Variants in EIF2AK4 observed in about 807,000 individuals in gnomAD.
EIF2AK4 encodes the protein eukaryotic translation initiation factor 2 alpha kinase 4.
Under a neutral mutation model 211.1 loss-of-function variants are expected in EIF2AK4, and 139 were observed. The observed-to-expected ratio is 0.66, with a 90% CI of 0.57 to 0.76. The LOEUF (loss-of-function observed/expected upper bound fraction) is 0.76. Ranked by LOEUF, EIF2AK4 falls within the 30% of genes least tolerant of loss-of-function variation. EIF2AK4 has a pLI of 0.00. For missense variants in EIF2AK4, 1,664 were observed against 2,043.8 expected (o/e 0.81, Z 3.58); for synonymous variants, 710 against 751.3 (o/e 0.94, Z 0.90).
rs1052280286 is a variant in EIF2AK4, at chr15:39,956,240, G to A, written c.743+472G>A. Among the ~76,000 whole-genome samples the A allele has an allele frequency of 3.3e-5, 5 of 151,940 alleles. No individual in the cohort carries two copies. In the East Asian group the frequency reaches 7.7e-4, roughly 24 times the overall value. On this transcript the variant is annotated intron_variant, in intron 6 of 38. Coordinates refer to ENST00000263791, the MANE Select transcript of EIF2AK4 (RefSeq NM_001013703.4). Reference sequence around the variant, plus strand: ...AGGCTGGTCTCGAACTCCTGACCTCGTGATCCACCCGCCTCGGCCTCCCAA... The same window carrying A: ...AGGCTGGTCTCGAACTCCTGACCTCATGATCCACCCGCCTCGGCCTCCCAA...
At chr15:39,956,377 T>C (rs2034392727) in intron 6 of EIF2AK4, among the ~76,000 whole-genome samples, 1 of 152,230 alleles carries the variant, frequency 6.6e-6, no homozygotes, top group South Asian at 2.1e-4. Context: ...TAAACTTAAA[T>C]TCAGTAAGTG....
At position 40,003,280 on chromosome 15, in the gene EIF2AK4, G is replaced by A; in HGVS notation, c.3323G>A (p.Ser1108Asn). 2 of 1,614,202 alleles carry A rather than the reference G, an allele frequency of 1.2e-6. No homozygotes were observed. The highest frequency in any genetic ancestry group is 1.7e-6 in the Non-Finnish European group (2 of 1,180,030). The change falls in exon 23 of 39, where the codon AGC becomes AAC. Residue 1108 changes from serine to asparagine, a missense_variant. By Grantham distance (46) the Ser-to-Asn change is conservative. Transcript: ENST00000263791. ...GAAGCTGCCCTATTCATGGACCACAGCGGGATGCTGGTGATGCTTCCTTTT... is the reference window on the plus strand; with the variant it reads ...GAAGCTGCCCTATTCATGGACCACAACGGGATGCTGGTGATGCTTCCTTTT... ...HNEAALFMDH[S>N]GMLVMLPFDL... is the part of the protein sequence containing the mutation.
rs1375818493 is a variant in EIF2AK4, at chr15:39,934,189, C to A, written c.-7C>A. ...CAAGGCCGCCCTGCCTTGGGCGCAG[C>A]GCTGCCATGGCTGGGGGCCGTGGGG... On this transcript the variant is annotated 5_prime_UTR_variant, in exon 1 of 39. Transcript: ENST00000263791. The A allele has an allele frequency of 2.6e-6, 4 of 1,533,798 alleles. No individual in the cohort carries two copies. The highest frequency in any genetic ancestry group is 1.2e-5 in the South Asian group (1 of 83,460).
intron 37 of EIF2AK4, 96 bp downstream of exon 37, chr15:40,032,897 A>G: frequency 9.8e-7 from 1 of 1,023,776 alleles, no homozygotes; most frequent in Non-Finnish European, 1.4e-6. Flanking sequence ...CATTAGTGAT[A>G]GTATTTTTCT....
intron 24 of EIF2AK4, among the ~76,000 whole-genome samples, chr15:40,007,570 A>G (rs2035178304): frequency 6.6e-6 from 1 of 152,198 alleles, no homozygotes; most frequent in East Asian, 1.9e-4. Context: ...TGTACATTCA[A>G]ATACCACAGG....
intron 29 of EIF2AK4, 127 bp from the exon 30 acceptor site, chr15:40,018,963 ACAC>A (rs1169536494): frequency 1.4e-6 from 1 of 691,766 alleles, no homozygotes; most frequent in East Asian, 2.8e-5. Flanking sequence ...TACTACACAC[ACAC>A]ATTTCTTTTT....
rs1204663423 is a variant in EIF2AK4, at chr15:40,026,105, A to G, written c.4502+16A>G. 6.2e-7 allele frequency: 1 copy of G among 1,605,380 alleles called. No homozygotes were observed. The highest frequency in any genetic ancestry group is 1.7e-5 in the Admixed American group (1 of 59,708). ...GGAATGGCAGGTAACTTAGGAAACA[A>G]AAGCCGAGAAAAGTGACTTCAGTTA... On this transcript the variant is annotated intron_variant, in intron 33 of 38. Coordinates refer to ENST00000263791, the MANE Select transcript of EIF2AK4 (RefSeq NM_001013703.4).
intron 27 of EIF2AK4, among the ~76,000 whole-genome samples, chr15:40,015,008 T>G (rs1044359345): frequency 3.3e-5 from 5 of 152,202 alleles, no homozygotes; most frequent in African/African-American, 9.6e-5. Flanking sequence ...TCACCTTTAC[T>G]TCAGTTCCCA....
chr15:39,966,569 G>A (rs902979374), intron 8 of EIF2AK4, among the ~76,000 whole-genome samples: 1 of 151,558 alleles, frequency 6.6e-6, no homozygotes, highest in Non-Finnish European at 1.5e-5. Context: ...GGATTTTTAA[G>A]TTAATTTATA....
intron 8 of EIF2AK4, among the ~76,000 whole-genome samples, chr15:39,966,106 T>C (rs1436057781): frequency 6.6e-6 from 1 of 152,244 alleles, no homozygotes; most frequent in Admixed American, 6.5e-5. Context: ...AACAGTCATC[T>C]TTCCAACTGG....
intron 2 of EIF2AK4, among the ~76,000 whole-genome samples, chr15:39,941,796 G>A (rs998161965): frequency 6.6e-6 from 1 of 152,024 alleles, no homozygotes; most frequent in African/African-American, 2.4e-5. Context: ...TTCTCCCCAG[G>A]TTGTGGCAAC....
chr15:40,032,478 A>G (rs1299941288), intron 36 of EIF2AK4, among the ~76,000 whole-genome samples: 1 of 152,264 alleles, frequency 6.6e-6, no homozygotes, highest in Non-Finnish European at 1.5e-5. Flanking sequence ...ATTTTCCTAC[A>G]TATATCAGGC....
At chr15:39,982,658 C>G (rs2034808378) in intron 13 of EIF2AK4, among the ~76,000 whole-genome samples, 1 of 151,826 alleles carries the variant, frequency 6.6e-6, no homozygotes, top group African/African-American at 2.4e-5. Flanking sequence ...AACTTGTCAT[C>G]TACATTAGGT....
intron 3 of EIF2AK4, among the ~76,000 whole-genome samples, chr15:39,947,211 T>C (rs766486130): frequency 1.3e-5 from 2 of 152,182 alleles, no homozygotes; most frequent in South Asian, 4.1e-4. Context: ...AAGTCTAAAA[T>C]AGACATAATT....
chr15:39,959,728 A>G (rs933344394), intron 6 of EIF2AK4, among the ~76,000 whole-genome samples: 5 of 152,264 alleles, frequency 3.3e-5, no homozygotes, highest in African/African-American at 1.2e-4. Flanking sequence ...AGTTTATGTT[A>G]CTAAGTCTAG....
intron 6 of EIF2AK4, among the ~76,000 whole-genome samples, chr15:39,959,850 C>T (rs8042413): frequency 0.99 from 151,013 of 152,368 alleles, 74,849 homozygotes; most frequent in East Asian, 1. Flanking sequence ...AATGTATTTG[C>T]TGTTTTCTGA....
At chr15:39,981,912 A>G (rs1382152254) in intron 13 of EIF2AK4, among the ~76,000 whole-genome samples, 2 of 147,224 alleles carry the variant, frequency 1.4e-5, no homozygotes, top group Non-Finnish European at 3.0e-5. Flanking sequence ...GTGCCCTTTG[A>G]TAATGTGGTC....
rs185379012 is a variant in EIF2AK4 at position 40,028,987 on chromosome 15, T to C, written c.4503-419T>C. ...CATCCATTCACGGCTTTTTAAAGAA[T>C]ATCTTTATTTACCAAATGTTCTCCT... On this transcript the variant is annotated intron_variant, in intron 33 of 38. Transcript: ENST00000263791. Among the ~76,000 whole-genome samples, 512 of 152,328 alleles carry C rather than the reference T, an allele frequency of 3.4e-3. 12 individuals carry two copies. Among genetic ancestry groups the C allele is most frequent in the Non-Finnish European group, 7.3e-4 (50 of 68,034 alleles).
chr15:40,027,476 TAGA>T (rs2035479286), intron 33 of EIF2AK4, among the ~76,000 whole-genome samples: 1 of 152,228 alleles, frequency 6.6e-6, no homozygotes, highest in Admixed American at 6.5e-5. Context: ...TATACATTGG[TAGA>T]AGATTGTTTG....
Sources: allele counts gnomAD v4.1 joint callset (sites outside exome capture counted in the v4.1 genomes callset), GRCh38; gene constraint gnomAD v4.1.1; transcripts MANE v1.5; gene names NCBI Gene and HGNC (gene_info 2026-07-23, HGNC 2026-07-21).